The following MTREX variants were observed in gnomAD, a reference collection of about 807,000 sequenced individuals.
The protein encoded by MTREX is Mtr4 exosome RNA helicase.
MTREX carries 76 observed loss-of-function variants against 135.4 expected under a neutral mutation model. The ratio of observed to expected loss-of-function variants is 0.56; its 90% CI spans 0.47 to 0.68. The LOEUF is 0.68. MTREX is among the 30% of genes least tolerant of loss of function. The pLI is 0.00. For synonymous variants in MTREX, 404 were observed against 401.6 expected (o/e 1.01, Z -0.07); for missense variants, 920 against 1,262.1 (o/e 0.73, Z 4.11).
intron 19 of MTREX, among the ~76,000 whole-genome samples, chr5:55,390,488 G>C (rs955871003): frequency 6.6e-6 from 1 of 152,168 alleles, no homozygotes; most frequent in East Asian, 1.9e-4. Flanking sequence ...GTGTGTGTGT[G>C]TCTGTGTGTA....
intron 18 of MTREX, among the ~76,000 whole-genome samples, chr5:55,380,127 G>C (rs898876387): frequency 6.6e-6 from 1 of 151,580 alleles, no homozygotes; most frequent in African/African-American, 2.4e-5. Flanking sequence ...ATTTTTAGTA[G>C]AGACGGGTTT....
Position 55,387,988 on chromosome 5 carries a change from A to C in MTREX, c.2067A>C (p.Glu689Asp), listed in dbSNP as rs754780180. 1.1e-5 allele frequency: 17 copies of C among 1,597,572 alleles called. 1 individual carries two copies. In the South Asian group the frequency reaches 1.8e-4, roughly 17 times the overall value. ...KKSNVKPNSGELDPLYVVEVL... is the reference protein window; with the variant it reads ...KKSNVKPNSGDLDPLYVVEVL... ...TTGTTTTTTAGCCTAACTCTGGTGA[A>C]CTGGATCCTTTGTATGTAGTAGAAG... Residue 689 changes from glutamate to aspartate, a missense_variant, in exon 19 of 27, where the codon GAA (glutamate) becomes GAC (aspartate). Glu to Asp is a conservative substitution (Grantham distance 45). Around this residue, in one of 6 missense-constraint regions of MTREX, gnomAD observed 467 missense variants for 589.7 expected, o/e 0.79. Coordinates refer to ENST00000230640, the MANE Select transcript of MTREX (RefSeq NM_015360.5).
intron 2 of MTREX, among the ~76,000 whole-genome samples, chr5:55,323,825 G>C (rs151132421): frequency 5.3e-4 from 81 of 152,324 alleles, no homozygotes; most frequent in Admixed American, 7.2e-4. Context: ...AGTGGTGACA[G>C]TGCTTGGTAG....
At chr5:55,309,176 A>G (rs1749056003) in intron 1 of MTREX, among the ~76,000 whole-genome samples, 1 of 152,200 alleles carries the variant, frequency 6.6e-6, no homozygotes, top group Admixed American at 6.5e-5. Context: ...TAGGAGCATA[A>G]ATTGAGCAAG....
At chr5:55,404,389 A>G (rs1421199044) in intron 21 of MTREX, among the ~76,000 whole-genome samples, 5 of 152,186 alleles carry the variant, frequency 3.3e-5, no homozygotes, top group Non-Finnish European at 5.9e-5. Flanking sequence ...TTAAGGTTTC[A>G]TTTATGTTTT....
chr5:55,354,664 G>C (rs528227455), intron 14 of MTREX, among the ~76,000 whole-genome samples: 1 of 106 alleles, frequency 9.4e-3, no homozygotes, highest in African/African-American at 0.036. Flanking sequence ...GGGTCAGGAG[G>C]GCCTGGCCAA....
rs1749708552 is a variant in MTREX, at chr5:55,345,107, A to C, written c.1019A>C (p.Glu340Ala). 1.2e-6 allele frequency: 2 copies of C among 1,611,862 alleles called. No individual in the cohort carries two copies. The highest frequency in any genetic ancestry group is 1.7e-6 in the Non-Finnish European group (2 of 1,178,740). Residue 340 changes from glutamate (E) to alanine (A), a missense_variant, in exon 10 of 27, where the codon GAA becomes GCA. Physicochemically the swap from Glu to Ala is moderately radical, Grantham distance 107. Transcript: ENST00000230640. ...LVVDENGDFR[E>A]DNFNTAMQVL... is the part of the protein sequence containing the mutation. ...TTGTGATTCCAGGGTGACTTCAGAGAAGATAATTTTAATACTGCAATGCAA... is the reference window on the plus strand; with the variant it reads ...TTGTGATTCCAGGGTGACTTCAGAGCAGATAATTTTAATACTGCAATGCAA...
chr5:55,423,641 A>G (rs1378571751), intron 26 of MTREX: 1 of 152,398 alleles, frequency 6.6e-6, no homozygotes, highest in Non-Finnish European at 1.5e-5. Context: ...TCTTACATTC[A>G]GGGCAAGTCT....
chr5:55,401,803 A>G (rs1750726715), intron 21 of MTREX, among the ~76,000 whole-genome samples: 1 of 152,192 alleles, frequency 6.6e-6, no homozygotes, highest in Non-Finnish European at 1.5e-5. Context: ...TTTTGACGTG[A>G]ACACAATCCT....
intron 19 of MTREX, among the ~76,000 whole-genome samples, chr5:55,396,327 G>A (rs1750644704): frequency 6.6e-6 from 1 of 152,116 alleles, no homozygotes; most frequent in Non-Finnish European, 1.5e-5. Context: ...GTGGGTCAGT[G>A]GGGAAATCTG....
chr5:55,326,930 C>T (rs1174320916), intron 3 of MTREX, among the ~76,000 whole-genome samples: 1 of 152,044 alleles, frequency 6.6e-6, no homozygotes, highest in African/African-American at 2.4e-5. Flanking sequence ...CTCCCACTTA[C>T]GAGTGAGAAC....
At chr5:55,351,128 C>T in intron 13 of MTREX, 99 bp downstream of exon 13, 1 of 1,330,688 alleles carries the variant, frequency 7.5e-7, no homozygotes, top group Non-Finnish European at 9.7e-7. Context: ...GTGTTTTTAA[C>T]AAGGCTTAAT....
chr5:55,420,458 G>A (rs1751036998), intron 25 of MTREX, among the ~76,000 whole-genome samples: 1 of 152,188 alleles, frequency 6.6e-6, no homozygotes, highest in Admixed American at 6.5e-5. Flanking sequence ...TTAGGTTGGT[G>A]CCAAAGTAAT....
At chr5:55,371,444 G>T (rs1319243763) in intron 16 of MTREX, among the ~76,000 whole-genome samples, 4 of 152,046 alleles carry the variant, frequency 2.6e-5, no homozygotes, top group South Asian at 4.2e-4. Context: ...CATCTTCCTC[G>T]AGAGGAAGAA....
At chr5:55,379,704 C>T (rs1374911269) in intron 18 of MTREX, among the ~76,000 whole-genome samples, 3 of 152,176 alleles carry the variant, frequency 2.0e-5, no homozygotes, top group Admixed American at 6.6e-5. Flanking sequence ...TTAAGCCTCT[C>T]TGACAGCTAT....
At chr5:55,325,840 GT>G (rs1417648440) in intron 3 of MTREX, among the ~76,000 whole-genome samples, 3 of 152,084 alleles carry the variant, frequency 2.0e-5, no homozygotes, top group Non-Finnish European at 2.9e-5. Context: ...TGTACCCTAT[GT>G]TTAGCTCTCA....
chr5:55,319,521 T>G (rs1749253045), intron 1 of MTREX, among the ~76,000 whole-genome samples: 1 of 152,216 alleles, frequency 6.6e-6, no homozygotes, highest in Non-Finnish European at 1.5e-5. Flanking sequence ...TGGCCAAATT[T>G]GTTGTTTGGG....
At chr5:55,416,939 C>G (rs901510695) in intron 25 of MTREX, among the ~76,000 whole-genome samples, 1 of 152,030 alleles carries the variant, frequency 6.6e-6, no homozygotes, top group Non-Finnish European at 1.5e-5. Flanking sequence ...GGCCTTTCAA[C>G]TGATATTATT....
rs1331365348 is a variant in MTREX at position 55,425,568 on chromosome 5, G to A, written c.*796G>A. The A allele has an allele frequency of 2.2e-6, 1 of 454,848 alleles. No individual in the cohort carries two copies. The highest frequency in any genetic ancestry group is 2.0e-5 in the African/African-American group (1 of 49,012). 28.2% of individuals were successfully genotyped at this position (454,848 alleles called of 1,614,324 possible). A position where few individuals can be genotyped will look rare whatever the true frequency, so the allele number is the denominator to read the frequency against. ...TTCATTTTGCCAATACTGAATAAAAGAGTTATTTCTACATGTGAATTAGTT... is the reference window on the plus strand; with the variant it reads ...TTCATTTTGCCAATACTGAATAAAAAAGTTATTTCTACATGTGAATTAGTT... On this transcript the variant is annotated 3_prime_UTR_variant, in exon 27 of 27. Coordinates refer to ENST00000230640, the MANE Select transcript of MTREX (RefSeq NM_015360.5).
Sources: gnomAD v4.1 joint callset for allele counts (sites outside exome capture counted in the v4.1 genomes callset) on GRCh38, gnomAD v4.1.1 for gene constraint, gnomAD v4.1.1 regional missense constraint, MANE v1.5 for transcripts, NCBI Gene and HGNC (gene_info 2026-07-23, HGNC 2026-07-21) for gene names.